The following SFXN5 variants were observed in gnomAD, a reference collection of about 807,000 sequenced individuals.
SFXN5 encodes sideroflexin 5.
SFXN5 carries 43 observed loss-of-function variants against 50.2 expected under a neutral mutation model. The ratio of observed to expected loss-of-function variants is 0.86; its 90% confidence interval spans 0.67 to 1.11. The LOEUF is 1.11. Among genes scored for constraint, SFXN5 ranks in the 50% least tolerant of loss-of-function variants. The pLI is 0.00. For synonymous variants in SFXN5, 203 were observed against 185.8 expected (o/e 1.09, Z -0.75); for missense variants, 463 against 454.1 (o/e 1.02, Z -0.18).
intron 9 of SFXN5, chr2:72,996,610 A>C (rs115988669): frequency 6.6e-6 from 1 of 151,716 alleles, no homozygotes; most frequent in Non-Finnish European, 1.5e-5. Flanking sequence ...CCAGGCTCAA[A>C]TGATTCTCCC....
In SFXN5 at chr2:73,055,853, G is replaced by C. The variant is rs148396363; in HGVS notation, c.171+2675C>G. On this transcript the variant is annotated intron_variant, in intron 2 of 13. Transcript: ENST00000272433. Reference sequence around the variant, plus strand: ...AGGATGGTCTCAATCTCCTGACCTCGTTATCTGCCCGCCTTGGCCTCCCAA... The same window carrying C: ...AGGATGGTCTCAATCTCCTGACCTCCTTATCTGCCCGCCTTGGCCTCCCAA... 9.5e-3 allele frequency among the ~76,000 whole-genome samples: 1,453 copies of C among 152,258 alleles called. 14 individuals are homozygous for C. Among genetic ancestry groups the C allele is most frequent in the African/African-American group, 0.033 (1,362 of 41,550 alleles).
chr2:73,058,300 G>A, intron 2 of SFXN5: 1 of 450,314 alleles, frequency 2.2e-6, no homozygotes, highest in Non-Finnish European at 4.0e-6. Context: ...AGATCCAAAT[G>A]ATATAATGTA....
intron 6 of SFXN5, among the ~76,000 whole-genome samples, chr2:73,017,689 G>A (rs1244890298): frequency 6.6e-6 from 1 of 152,148 alleles, no homozygotes; most frequent in Non-Finnish European, 1.5e-5. Context: ...TATGAAACGG[G>A]AGAACAAATG....
At chr2:72,972,747 C>G (rs72918389) in intron 10 of SFXN5, among the ~76,000 whole-genome samples, 5 of 152,174 alleles carry the variant, frequency 3.3e-5, no homozygotes, top group Admixed American at 6.5e-5. Context: ...ACTCCTCCCC[C>G]CAAAGCGCCT....
intron 2 of SFXN5, among the ~76,000 whole-genome samples, chr2:73,050,855 C>T (rs921540129): frequency 6.6e-5 from 10 of 152,150 alleles, no homozygotes; most frequent in Admixed American, 6.5e-4. Context: ...GTATGCTCTG[C>T]TTCCCTTTTC....
At chr2:73,054,942 G>A (rs1681890662) in intron 2 of SFXN5, among the ~76,000 whole-genome samples, 3 of 152,216 alleles carry the variant, frequency 2.0e-5, no homozygotes, top group Admixed American at 2.0e-4. Context: ...GCCCAGGTAA[G>A]CAACTAAAAT....
chr2:73,067,129 T>C (rs899052686), intron 1 of SFXN5, among the ~76,000 whole-genome samples: 6 of 151,212 alleles, frequency 4.0e-5, no homozygotes, highest in African/African-American at 1.5e-4. Context: ...AACCCTCCAA[T>C]ATCATGTGAT....
intron 10 of SFXN5, among the ~76,000 whole-genome samples, chr2:72,986,877 C>T (rs931079888): frequency 2.6e-5 from 4 of 152,162 alleles, no homozygotes; most frequent in African/African-American, 9.7e-5. Context: ...CAATCACCTG[C>T]GTAGAGCCAA....
chr2:73,069,736 A>G (rs1683439349), intron 1 of SFXN5, among the ~76,000 whole-genome samples: 1 of 152,188 alleles, frequency 6.6e-6, no homozygotes. Context: ...CATATAAGCC[A>G]CTAAGACGTA....
chr2:73,043,816 T>G lies in SFXN5; in HGVS notation c.172-2885A>C, dbSNP rs138090510. ...GTAAACATACCCCTAAGATAACAAC[T>G]CCAAAAGTGAGGATGATTTTCCTTC... On this transcript the variant is annotated intron_variant, in intron 2 of 13. Transcript: ENST00000272433. 1.3e-3 allele frequency among the ~76,000 whole-genome samples: 191 copies of G among 152,254 alleles called. 1 individual carries two copies. The highest frequency in any genetic ancestry group is 4.2e-3 in the African/African-American group (176 of 41,552).
intron 6 of SFXN5, among the ~76,000 whole-genome samples, chr2:73,005,090 G>A (rs936447079): frequency 3.3e-5 from 5 of 152,154 alleles, no homozygotes; most frequent in Non-Finnish European, 2.9e-5. Flanking sequence ...GCGTGGCCAC[G>A]CAGACGGGTG....
chr2:73,002,804 AT>A (rs990217253), intron 6 of SFXN5, among the ~76,000 whole-genome samples: 13 of 150,744 alleles, frequency 8.6e-5, no homozygotes, highest in African/African-American at 2.2e-4. Context: ...TCCCAACTTG[AT>A]TTTTTTTTTC....
intron 2 of SFXN5, among the ~76,000 whole-genome samples, chr2:73,046,233 AC>A (rs1193046385): frequency 6.6e-6 from 1 of 151,950 alleles, no homozygotes; most frequent in Non-Finnish European, 1.5e-5. Context: ...ACATGGTGAA[AC>A]CCCATCTCTA....
Position 72,992,435 on chromosome 2 carries a change from C to CA in SFXN5, c.535-4088dup, listed in dbSNP as rs1262150646. On this transcript the variant is annotated intron_variant, in intron 9 of 13. Transcript: ENST00000272433. This position sits in a 1 kb window ranked among gnomAD's most constrained non-coding sequence, Gnocchi z 4.5. ...TCTCCCCGCATCTGTGCCCCCACTG[C>CA]AGCCTGAATATCCATTGCCTGGAGG... 1.3e-5 allele frequency among the ~76,000 whole-genome samples: 2 copies of CA among 152,200 alleles called. No individual in the cohort carries two copies.
At chr2:73,012,649 A>AACACAC (rs57635824) in intron 6 of SFXN5, among the ~76,000 whole-genome samples, 1,386 of 125,886 alleles carry the variant, frequency 0.011, 15 homozygotes, top group Middle Eastern at 0.036. Flanking sequence ...CTAGCCAAAC[A>AACACAC]ACACACACAC....
Position 72,992,433 on chromosome 2 carries a change from T to A in SFXN5, c.535-4085A>T, listed in dbSNP as rs1208939217. Among the ~76,000 whole-genome samples, 1 of 152,172 alleles carries A rather than the reference T, an allele frequency of 6.6e-6. No homozygotes were observed. Among genetic ancestry groups the A allele is most frequent in the Non-Finnish European group, 1.5e-5 (1 of 68,030 alleles). ...CCTCTCCCCGCATCTGTGCCCCCAC[T>A]GCAGCCTGAATATCCATTGCCTGGA... On this transcript the variant is annotated intron_variant, in intron 9 of 13. Coordinates refer to ENST00000272433, the MANE Select transcript of SFXN5 (RefSeq NM_144579.3). The surrounding 1 kb of genome is among the most constrained non-coding windows in gnomAD (Gnocchi z 4.5).
intron 13 of SFXN5, among the ~76,000 whole-genome samples, chr2:72,948,584 A>G (rs1401487662): frequency 6.6e-6 from 1 of 152,258 alleles, no homozygotes; most frequent in Non-Finnish European, 1.5e-5. Context: ...CAGCACCACC[A>G]TGCAGGACCA....
Position 72,988,067 on chromosome 2 carries a change from G to A in SFXN5, c.625+191C>T, listed in dbSNP as rs578217199. ...CCTAAGAACCCCTATGCTGAAAGCA[G>A]AATCTCAGCACAGAGCTGGTCAGTG... On this transcript the variant is annotated intron_variant, in intron 10 of 13. Coordinates refer to ENST00000272433, the MANE Select transcript of SFXN5 (RefSeq NM_144579.3). Among the ~76,000 whole-genome samples, 9 of 152,370 alleles carry A rather than the reference G, an allele frequency of 5.9e-5. No individual in the cohort carries two copies. The South Asian group carries it at 1.9e-3, about 32-fold the overall frequency.
Position 72,950,074 on chromosome 2 carries a change from C to G in SFXN5, c.946-4975G>C, listed in dbSNP as rs1312080739. Among the ~76,000 whole-genome samples the G allele has an allele frequency of 6.6e-6, 1 of 151,764 alleles. No individual in the cohort carries two copies. The highest frequency in any genetic ancestry group is 1.5e-5 in the Non-Finnish European group (1 of 67,932). On this transcript the variant is annotated intron_variant, in intron 13 of 13. Transcript: ENST00000272433. The surrounding 1 kb of genome is among the most constrained non-coding windows in gnomAD (Gnocchi z 4.2). ...AAGCGCCCGGGATGTGTGAGCATAG[C>G]CAGATCCTTCAGAGTGGAGGAGCTC...
Sources: allele counts gnomAD v4.1 joint callset (sites outside exome capture counted in the v4.1 genomes callset), GRCh38; gene constraint gnomAD v4.1.1; non-coding constraint Gnocchi (gnomAD v3.1); transcripts MANE v1.5; gene names NCBI Gene and HGNC (gene_info 2026-07-23, HGNC 2026-07-21).